SFXN5: variants seen among roughly 807,000 people sequenced by gnomAD.
SFXN5 encodes sideroflexin-5.
A neutral mutation model predicts 50.2 loss-of-function variants in SFXN5; 43 were observed. The ratio of observed to expected loss-of-function variants is 0.86; its 90% CI spans 0.67 to 1.11. SFXN5 has a LOEUF of 1.11. SFXN5 is among the 50% of genes least tolerant of loss of function. SFXN5 has a pLI of 0.00. For missense variants in SFXN5, 463 were observed against 454.1 expected (o/e 1.02, Z -0.18); for synonymous variants, 203 against 185.8 (o/e 1.09, Z -0.75).
In SFXN5 at chr2:73,067,838, A is replaced by G. The variant is rs112188110; in HGVS notation, c.102+3766T>C. ...AAAAGTTGACAACAAACCAACAAACAAACATGAACTCTGGAGACAGACTGC... is the reference window on the plus strand; with the variant it reads ...AAAAGTTGACAACAAACCAACAAACGAACATGAACTCTGGAGACAGACTGC... On this transcript the variant is annotated intron_variant, in intron 1 of 13. Transcript: ENST00000272433. Among the ~76,000 whole-genome samples the G allele has an allele frequency of 1.2e-3, 182 of 152,348 alleles. 1 individual carries two copies. Among genetic ancestry groups the G allele is most frequent in the African/African-American group, 4.2e-3 (176 of 41,582 alleles).
intron 1 of SFXN5, chr2:73,070,725 C>T (rs1683524075): frequency 6.6e-6 from 1 of 152,276 alleles, no homozygotes; most frequent in African/African-American, 2.4e-5. Flanking sequence ...GGCGACGCCC[C>T]AGAGGAGGTC....
Position 73,040,875 on chromosome 2 carries a change from G to A in SFXN5, c.228C>T (p.Arg76=). ...TTACCTGTTCATTGGTGACCCCCGG[G>A]CGCAGGGTCCCATGCTTATAGTCCT... ...LLEDYKHGTL[R]PGVTNEQLWS... The change falls in exon 3 of 14, where the codon CGC becomes CGT. Residue 76 remains arginine (R), a synonymous_variant. Transcript: ENST00000272433. The A allele has an allele frequency of 1.2e-6, 2 of 1,612,718 alleles. No homozygotes were observed. The highest frequency in any genetic ancestry group is 1.7e-5 in the Admixed American group (1 of 59,888).
rs560530920 is a variant in SFXN5, at chr2:72,944,784, C to G, written c.*238G>C. 2.0e-6 allele frequency: 1 copy of G among 496,276 alleles called. No individual in the cohort carries two copies. Among genetic ancestry groups the G allele is most frequent in the African/African-American group, 1.9e-5 (1 of 51,734 alleles). 30.7% of individuals were successfully genotyped at this position (496,276 alleles called of 1,614,324 possible). The stretch of plus-strand genomic sequence containing the variant: ...GCTGAGTGGAGTTTTGACAACCCCA[C>G]ATAAGGCCCAGAAATGCACTTGATT... On this transcript the variant is annotated 3_prime_UTR_variant, in exon 14 of 14. Coordinates refer to ENST00000272433, the MANE Select transcript of SFXN5 (RefSeq NM_144579.3).
At chr2:73,001,397 G>T (rs1673889492) in intron 7 of SFXN5, 128 bp downstream of exon 7, 2 of 892,346 alleles carry the variant, frequency 2.2e-6, no homozygotes, top group Non-Finnish European at 1.8e-6. Flanking sequence ...CTGGGCTAGG[G>T]GTGGTGTTGG....
chr2:72,969,697 CTT>C (rs35747238), intron 11 of SFXN5, among the ~76,000 whole-genome samples: 29 of 142,002 alleles, frequency 2.0e-4, no homozygotes, highest in Admixed American at 4.2e-4. Context: ...GCCCGGCCTA[CTT>C]TTTTTTTTTT....
At chr2:72,958,876 T>C (rs1375744207) in intron 13 of SFXN5, among the ~76,000 whole-genome samples, 1 of 152,096 alleles carries the variant, frequency 6.6e-6, no homozygotes, top group Admixed American at 6.5e-5. Flanking sequence ...TTGGTGTGCG[T>C]TGAATGGTGT....
chr2:73,039,945 G>GGATTAC lies in SFXN5; in HGVS notation c.249+903_249+908dup, dbSNP rs1447910605. Among the ~76,000 whole-genome samples the GGATTAC allele has an allele frequency of 2.0e-5, 3 of 151,772 alleles. No individual in the cohort carries two copies. In the East Asian group the frequency reaches 5.8e-4, roughly 29 times the overall value. On this transcript the variant is annotated intron_variant, in intron 3 of 13. Coordinates refer to ENST00000272433, the MANE Select transcript of SFXN5 (RefSeq NM_144579.3). ...CCTGCCTCAACCTCATGAGTAGCTG[G>GGATTAC]GATTACAGGCGTCCACCACCATGCC...
intron 13 of SFXN5, among the ~76,000 whole-genome samples, chr2:72,957,582 C>T (rs1251153183): frequency 6.6e-6 from 1 of 152,234 alleles, no homozygotes; most frequent in African/African-American, 2.4e-5. Flanking sequence ...CTGTTGACAA[C>T]CTTGGTGGCT....
At chr2:72,962,990 C>G (rs1334693506) in intron 12 of SFXN5, among the ~76,000 whole-genome samples, 3 of 152,306 alleles carry the variant, frequency 2.0e-5, no homozygotes, top group Admixed American at 1.3e-4. Context: ...AGCCCATGCC[C>G]GCCTGGACTT....
intron 10 of SFXN5, among the ~76,000 whole-genome samples, chr2:72,978,758 G>A (rs894670246): frequency 6.6e-6 from 1 of 151,970 alleles, no homozygotes; most frequent in Non-Finnish European, 1.5e-5. Flanking sequence ...GGGTACACAC[G>A]CTAGCCTGGC....
chr2:72,974,772 G>A (rs1670425851), intron 10 of SFXN5, among the ~76,000 whole-genome samples: 1 of 151,366 alleles, frequency 6.6e-6, no homozygotes, highest in Non-Finnish European at 1.5e-5. Context: ...AACTGTCCCT[G>A]ATCCTTCCCA....
intron 3 of SFXN5, among the ~76,000 whole-genome samples, chr2:73,025,706 C>A (rs1677465888): frequency 6.6e-6 from 1 of 152,196 alleles, no homozygotes; most frequent in South Asian, 2.1e-4. Flanking sequence ...GGACACCCCA[C>A]ATGCTCAGTG....
chr2:73,060,312 C>A (rs993287921), intron 1 of SFXN5, among the ~76,000 whole-genome samples: 7 of 152,130 alleles, frequency 4.6e-5, no homozygotes, highest in African/African-American at 1.2e-4. Flanking sequence ...CTGTGTTCTT[C>A]CAAATGTGAT....
At chr2:73,004,313 GCGCACACACACACACACACACACA>G (rs1674320170) in intron 6 of SFXN5, among the ~76,000 whole-genome samples, 1 of 138,432 alleles carries the variant, frequency 7.2e-6, no homozygotes, top group Non-Finnish European at 1.5e-5. Context: ...ATGAGTGCGC[GCGCACACACACACACACACACACA>G]CACACACACA....
chr2:73,017,278 C>T (rs1197768335), intron 6 of SFXN5, among the ~76,000 whole-genome samples: 6 of 152,066 alleles, frequency 3.9e-5, no homozygotes, highest in Admixed American at 1.3e-4. Context: ...GGATAGGAAG[C>T]GGAGTGGAAC....
At chr2:73,024,086 T>TC (rs1469305553) in intron 3 of SFXN5, among the ~76,000 whole-genome samples, 1 of 148,466 alleles carries the variant, frequency 6.7e-6, no homozygotes, top group African/African-American at 2.4e-5. Flanking sequence ...AAGTAGGCCT[T>TC]TTTTTTTTTT....
chr2:72,977,973 A>AG (rs1670829315), intron 10 of SFXN5, among the ~76,000 whole-genome samples: 1 of 142,040 alleles, frequency 7.0e-6, no homozygotes, highest in Non-Finnish European at 1.5e-5. Flanking sequence ...ACTCTGCCTC[A>AG]GAAAAAAAAA....
chr2:73,000,328 A>T, intron 8 of SFXN5, 103 bp downstream of exon 8: 1 of 1,160,606 alleles, frequency 8.6e-7, no homozygotes, highest in Non-Finnish European at 1.2e-6. Context: ...GGCCATGCTT[A>T]ACCAAGAGGC....
At chr2:73,045,376 TAAA>T (rs1436526589) in intron 2 of SFXN5, among the ~76,000 whole-genome samples, 1 of 151,776 alleles carries the variant, frequency 6.6e-6, no homozygotes, top group Non-Finnish European at 1.5e-5. Flanking sequence ...GCACCCCAAG[TAAA>T]AAAATAAACA....
Sources: gnomAD v4.1 joint callset for allele counts (sites outside exome capture counted in the v4.1 genomes callset) on GRCh38, gnomAD v4.1.1 for gene constraint, MANE v1.5 for transcripts, NCBI Gene and HGNC (gene_info 2026-07-23, HGNC 2026-07-21) for gene names.